The following LEKR1 variants were observed in gnomAD, a reference collection of about 807,000 sequenced individuals.
The protein encoded by LEKR1 is leucine, glutamate and lysine rich 1.
Under a neutral mutation model 72.4 loss-of-function variants are expected in LEKR1, and 59 were observed. The observed-to-expected ratio is 0.82, with a 90% confidence interval of 0.66 to 1.01. The LOEUF is 1.01. Among genes scored for constraint, LEKR1 ranks in the 50% least tolerant of loss-of-function variants. LEKR1 has a pLI of 0.00. For synonymous variants in LEKR1, 257 were observed against 263.2 expected (o/e 0.98, Z 0.23); for missense variants, 728 against 759.2 (o/e 0.96, Z 0.48).
At position 157,045,996 on chromosome 3, in the gene LEKR1, T is replaced by C. The variant is rs1735727895; in HGVS notation, c.*246T>C. 2.2e-6 allele frequency: 1 copy of C among 449,918 alleles called. No individual in the cohort carries two copies. The highest frequency in any genetic ancestry group is 3.9e-6 in the Non-Finnish European group (1 of 254,742). The allele number at this position is 449,918 out of a possible 1,614,324, so 27.9% of individuals were successfully genotyped here. On this transcript the variant is annotated 3_prime_UTR_variant, in exon 13 of 13. Transcript: ENST00000356539. ...ATTCCAGAGGTCCGATTTCTATGTT[T>C]ATGTTGGAATGTGCTCTATGAATAT...
chr3:156,962,406 T>C lies in LEKR1; in HGVS notation c.746-16788T>C, dbSNP rs539793310. Among the ~76,000 whole-genome samples, 32 of 152,322 alleles carry C rather than the reference T, an allele frequency of 2.1e-4. No homozygotes were observed. In the South Asian group the frequency reaches 6.4e-3, roughly 31 times the overall value. ...AGAGACCAGCTTGATAATGAACCAC[T>C]GTGGGCTGCTTCTGTGTCCAAAAGT... On this transcript the variant is annotated intron_variant, in intron 6 of 12. Coordinates refer to ENST00000356539, the MANE Select transcript of LEKR1 (RefSeq NM_001004316.3).
At chr3:157,014,179 G>A (rs367885218) in intron 10 of LEKR1, among the ~76,000 whole-genome samples, 38 of 151,968 alleles carry the variant, frequency 2.5e-4, no homozygotes, top group African/African-American at 6.5e-4. Flanking sequence ...TGATCAAATC[G>A]CATTATTTAA....
chr3:156,973,389 C>T (rs1465134853), intron 6 of LEKR1, among the ~76,000 whole-genome samples: 2 of 151,974 alleles, frequency 1.3e-5, no homozygotes, highest in Non-Finnish European at 2.9e-5. Flanking sequence ...TATATAGATG[C>T]TATTCGAAGC....
intron 2 of LEKR1, among the ~76,000 whole-genome samples, chr3:156,850,874 A>G (rs1183767491): frequency 6.6e-6 from 1 of 152,234 alleles, no homozygotes; most frequent in African/African-American, 2.4e-5. Flanking sequence ...TATATTCAGT[A>G]TAATGAGACG....
chr3:156,858,873 C>T (rs1209632255), intron 3 of LEKR1, among the ~76,000 whole-genome samples: 1 of 152,090 alleles, frequency 6.6e-6, no homozygotes, highest in Non-Finnish European at 1.5e-5. Context: ...TTTTCATTTA[C>T]TTCTAAATAA....
At chr3:157,008,227 A>G (rs1302945087) in intron 9 of LEKR1, among the ~76,000 whole-genome samples, 1 of 152,102 alleles carries the variant, frequency 6.6e-6, no homozygotes, top group African/African-American at 2.4e-5. Flanking sequence ...TCACCTCTAT[A>G]TCTCCAGGGC....
chr3:156,945,384 G>A (rs1333345727), intron 6 of LEKR1, among the ~76,000 whole-genome samples: 1 of 151,792 alleles, frequency 6.6e-6, no homozygotes, highest in Non-Finnish European at 1.5e-5. Flanking sequence ...TCTTGACTTT[G>A]TTGATGGTTT....
chr3:156,958,172 GT>G (rs1169193143), intron 6 of LEKR1, among the ~76,000 whole-genome samples: 2 of 151,988 alleles, frequency 1.3e-5, no homozygotes, highest in African/African-American at 2.4e-5. Flanking sequence ...GTTTTGTTTT[GT>G]TTTAACAACC....
intron 3 of LEKR1, among the ~76,000 whole-genome samples, chr3:156,883,245 C>A (rs529705523): frequency 6.6e-6 from 1 of 152,298 alleles, no homozygotes; most frequent in African/African-American, 2.4e-5. Context: ...TTGTTTTGGC[C>A]CATTTTCCCC....
chr3:157,024,825 C>T lies in LEKR1; in HGVS notation c.1269C>T (p.Leu423=), dbSNP rs768074228. 1 of 1,611,756 alleles carries T rather than the reference C, an allele frequency of 6.2e-7. No homozygotes were observed. The highest frequency in any genetic ancestry group is 1.1e-5 in the South Asian group (1 of 90,788). ...HLVEFEEQAL[L]FKEETKLQLD... ...TTGAATTTGAAGAGCAAGCTCTTCT[C>T]TTTAAGGAAGAAACAAAATTGCAAC... is the stretch of plus-strand genomic sequence containing the variant. Residue 423 remains leucine (L), a synonymous_variant, in exon 11 of 13, where the codon CTC becomes CTT. Transcript: ENST00000356539.
At chr3:157,003,372 G>A (rs1413275925) in intron 9 of LEKR1, among the ~76,000 whole-genome samples, 1 of 151,534 alleles carries the variant, frequency 6.6e-6, no homozygotes, top group East Asian at 1.9e-4. Context: ...TATTGCTGCT[G>A]TAACAAATGA....
At chr3:156,952,896 C>T (rs1209171222) in intron 6 of LEKR1, among the ~76,000 whole-genome samples, 1 of 151,328 alleles carries the variant, frequency 6.6e-6, no homozygotes, top group Non-Finnish European at 1.5e-5. Flanking sequence ...AAGAGAGAGA[C>T]AGAGAAAGTT....
intron 5 of LEKR1, among the ~76,000 whole-genome samples, chr3:156,933,485 A>C (rs1725431926): frequency 1.3e-5 from 2 of 152,040 alleles, no homozygotes; most frequent in African/African-American, 4.8e-5. Context: ...AGTCTCTTTA[A>C]TTTTATTCTT....
intron 2 of LEKR1, among the ~76,000 whole-genome samples, chr3:156,846,950 C>G (rs925478016): frequency 1.3e-5 from 2 of 152,046 alleles, no homozygotes; most frequent in African/African-American, 4.8e-5. Context: ...GTAGCTGGGA[C>G]TGCAGGCGCA....
intron 2 of LEKR1, among the ~76,000 whole-genome samples, chr3:156,837,645 A>G (rs1030170488): frequency 1.3e-5 from 2 of 152,248 alleles, no homozygotes; most frequent in Non-Finnish European, 2.9e-5. Context: ...AGAGGAAAGG[A>G]GTGAAACAAT....
At chr3:156,865,766 G>C (rs905087573) in intron 3 of LEKR1, among the ~76,000 whole-genome samples, 3 of 151,952 alleles carry the variant, frequency 2.0e-5, no homozygotes, top group African/African-American at 7.2e-5. Flanking sequence ...TCTCACCCTT[G>C]GTTATCCCTC....
intron 6 of LEKR1, among the ~76,000 whole-genome samples, chr3:156,961,658 A>G (rs1560109434): frequency 6.6e-6 from 1 of 152,200 alleles, no homozygotes; most frequent in Non-Finnish European, 1.5e-5. Flanking sequence ...TCACAAAATG[A>G]GTGATGTGGT....
chr3:156,883,010 G>C (rs1177421997), intron 3 of LEKR1, among the ~76,000 whole-genome samples: 3 of 150,192 alleles, frequency 2.0e-5, no homozygotes, highest in African/African-American at 7.5e-5. Context: ...TGTGGGTTGG[G>C]GGGAGGGGGG....
rs544386589 is a variant in LEKR1, at chr3:157,009,799, G to A, written c.1110-1614G>A. On this transcript the variant is annotated intron_variant, in intron 9 of 12. Coordinates refer to ENST00000356539, the MANE Select transcript of LEKR1 (RefSeq NM_001004316.3). ...GAATTTCTTTGTACACTTATATCAA[G>A]TTTTGCTTTATATATTTTGAGGCTA... Among the ~76,000 whole-genome samples, 27 of 152,044 alleles carry A rather than the reference G, an allele frequency of 1.8e-4. 1 individual carries two copies. In the South Asian group the frequency reaches 5.4e-3, roughly 30 times the overall value.
Sources: allele counts gnomAD v4.1 joint callset (sites outside exome capture counted in the v4.1 genomes callset), GRCh38; gene constraint gnomAD v4.1.1; transcripts MANE v1.5; gene names NCBI Gene and HGNC (gene_info 2026-07-23, HGNC 2026-07-21).